The following NYAP2 variants were observed in gnomAD, a reference collection of about 807,000 sequenced individuals.
NYAP2 encodes the protein neuronal tyrosine-phosphorylated phosphoinositide-3-kinase adaptor 2, also known as neuronal tyrosine-phosphorylated phosphoinositide-3-kinase adapter 2.
In NYAP2, 23 loss-of-function variants were observed where a neutral mutation model predicts 50.4. The observed-to-expected ratio is 0.46, with a 90% CI of 0.33 to 0.65. The LOEUF is 0.65. Among genes scored for constraint, NYAP2 ranks in the 30% least tolerant of loss-of-function variants. NYAP2 has a pLI of 0.02. For synonymous variants in NYAP2, 394 were observed against 365.2 expected (o/e 1.08, Z -0.90); for missense variants, 885 against 861.0 (o/e 1.03, Z -0.35).
At chr2:225,406,576 T>C (rs777880978) in intron 2 of NYAP2, among the ~76,000 whole-genome samples, 3 of 151,974 alleles carry the variant, frequency 2.0e-5, no homozygotes, top group Non-Finnish European at 4.4e-5. Flanking sequence ...AAAAAAAGAA[T>C]GGTCATGGAA....
chr2:225,555,515 C>T (rs1358025366), intron 4 of NYAP2, among the ~76,000 whole-genome samples: 2 of 152,126 alleles, frequency 1.3e-5, no homozygotes, highest in East Asian at 1.9e-4. Context: ...AACAGAGCAG[C>T]AAATCCATAA....
chr2:225,460,510 A>G (rs1008066088), intron 3 of NYAP2, among the ~76,000 whole-genome samples: 2 of 152,146 alleles, frequency 1.3e-5, no homozygotes, highest in Non-Finnish European at 2.9e-5. Flanking sequence ...TTCTCTTCAC[A>G]TGGAGGAAGA....
chr2:225,556,548 C>A (rs1691779066), intron 4 of NYAP2, among the ~76,000 whole-genome samples: 1 of 152,088 alleles, frequency 6.6e-6, no homozygotes, highest in Non-Finnish European at 1.5e-5. Flanking sequence ...CATTAGTATC[C>A]ACCTGGATGA....
the NYAP2 span, among the ~76,000 whole-genome samples, chr2:225,675,469 C>A: frequency 6.6e-6 from 1 of 152,112 alleles, no homozygotes; most frequent in Admixed American, 6.6e-5. Context: ...CTGCAAAGGA[C>A]ATAATTTTGT....
intron 3 of NYAP2, among the ~76,000 whole-genome samples, chr2:225,469,508 C>A (rs1207360557): frequency 1.3e-5 from 2 of 152,160 alleles, no homozygotes; most frequent in East Asian, 3.8e-4. Flanking sequence ...TGGGTATATA[C>A]CCAAAGGATT....
the NYAP2 span, among the ~76,000 whole-genome samples, chr2:225,662,096 CA>C: frequency 2.0e-5 from 3 of 152,180 alleles, no homozygotes; most frequent in Non-Finnish European, 4.4e-5. Flanking sequence ...TTCAATTTCC[CA>C]GGTCTTGCCT....
chr2:225,592,741 C>T (rs984904692), intron 5 of NYAP2, among the ~76,000 whole-genome samples: 1 of 152,108 alleles, frequency 6.6e-6, no homozygotes, highest in Non-Finnish European at 1.5e-5. Context: ...TAATTGCTCA[C>T]CTTTCTGGGG....
intron 3 of NYAP2, among the ~76,000 whole-genome samples, chr2:225,436,823 C>T (rs1689387198): frequency 6.6e-6 from 1 of 151,394 alleles, no homozygotes; most frequent in Admixed American, 6.6e-5. Context: ...CTTTCTTTGT[C>T]CCCATCTTCA....
chr2:225,488,082 G>T (rs6436559), intron 3 of NYAP2, among the ~76,000 whole-genome samples: 34,381 of 151,980 alleles, frequency 0.23, 8,386 homozygotes, highest in African/African-American at 0.62. Context: ...CCATATCCAC[G>T]GATCATTATA....
chr2:225,541,378 TG>T (rs1691468598), intron 4 of NYAP2, among the ~76,000 whole-genome samples: 1 of 152,204 alleles, frequency 6.6e-6, no homozygotes, highest in African/African-American at 2.4e-5. Context: ...TCCGATGTCC[TG>T]GAGAGTTTCC....
chr2:225,617,658 G>A (rs1409763210), intron 5 of NYAP2, among the ~76,000 whole-genome samples: 5 of 152,088 alleles, frequency 3.3e-5, no homozygotes, highest in African/African-American at 1.2e-4. Flanking sequence ...CAAATTACTT[G>A]TTTTTTATGG....
chr2:225,436,548 A>G (rs1161449301), intron 3 of NYAP2, among the ~76,000 whole-genome samples: 2 of 151,970 alleles, frequency 1.3e-5, no homozygotes, highest in Admixed American at 6.6e-5. Flanking sequence ...TTCTAGTATG[A>G]CCTTATTTTA....
At position 225,626,295 on chromosome 2, in the gene NYAP2, A is replaced by AATATGTGT. The variant is rs1375586316; in HGVS notation, c.1619-620_1619-613dup. Among the ~76,000 whole-genome samples, 6 of 152,214 alleles carry AATATGTGT rather than the reference A, an allele frequency of 3.9e-5. No individual in the cohort carries two copies. The East Asian group carries it at 1.2e-3, about 29-fold the overall frequency. On this transcript the variant is annotated intron_variant, in intron 5 of 6. Coordinates refer to ENST00000636099, the Ensembl canonical transcript of NYAP2. ...ATCCTTGAGGACAAAAATCAGAAAG[A>AATATGTGT]ATATGTGTAGCAGAAGCAGCACAGT...
At chr2:225,419,218 G>A (rs1695175877) in intron 3 of NYAP2, among the ~76,000 whole-genome samples, 1 of 152,218 alleles carries the variant, frequency 6.6e-6, no homozygotes, top group Non-Finnish European at 1.5e-5. Flanking sequence ...GAAGATAAAA[G>A]GCAGATGTAG....
At chr2:225,616,277 C>A (rs1692988549) in intron 5 of NYAP2, among the ~76,000 whole-genome samples, 3 of 151,994 alleles carry the variant, frequency 2.0e-5, no homozygotes, top group African/African-American at 7.3e-5. Context: ...ACATAGCTGA[C>A]CCCAAATAAC....
intron 4 of NYAP2, among the ~76,000 whole-genome samples, chr2:225,553,489 T>C (rs1691718708): frequency 6.6e-6 from 1 of 152,196 alleles, no homozygotes; most frequent in South Asian, 2.1e-4. Context: ...TTGCCATTTT[T>C]CTCTTCAGTG....
upstream of NYAP2, among the ~76,000 whole-genome samples, chr2:225,399,248 T>C (rs1240771497): frequency 1.3e-5 from 2 of 152,036 alleles, no homozygotes; most frequent in Non-Finnish European, 2.9e-5. Context: ...ATTCCTTTTA[T>C]CATAGTGCAA....
At chr2:225,660,406 G>A in the NYAP2 span, among the ~76,000 whole-genome samples, 1 of 150,876 alleles carries the variant, frequency 6.6e-6, no homozygotes. Flanking sequence ...TTATCTGCTA[G>A]GGTCGGGACA....
chr2:225,583,263 A>G (rs907376646), intron 5 of NYAP2, among the ~76,000 whole-genome samples: 1 of 152,248 alleles, frequency 6.6e-6, no homozygotes, highest in African/African-American at 2.4e-5. Context: ...TTTCCTATTT[A>G]AAAGAAGAGT....
Sources: gnomAD v4.1 joint callset for allele counts (sites outside exome capture counted in the v4.1 genomes callset) on GRCh38, gnomAD v4.1.1 for gene constraint, MANE v1.5 for transcripts, NCBI Gene and HGNC (gene_info 2026-07-23, HGNC 2026-07-21) for gene names.